The following ADAM12 variants were observed in gnomAD, a reference collection of about 807,000 sequenced individuals.
The protein encoded by ADAM12 is ADAM metallopeptidase domain 12.
ADAM12 carries 70 observed loss-of-function variants against 106.4 expected under a neutral mutation model. That is an observed-to-expected ratio of 0.66 (90% CI 0.54 to 0.80). ADAM12 has a LOEUF of 0.80. Ranked by LOEUF, ADAM12 falls within the 30% of genes least tolerant of loss-of-function variation. The probability of loss-of-function intolerance (pLI) is 0.00; values close to 1 mark genes in which losing one functional copy is unlikely to be tolerated. For synonymous variants in ADAM12, 420 were observed against 433.5 expected (o/e 0.97, Z 0.39); for missense variants, 1,010 against 1,171.9 (o/e 0.86, Z 2.02).
Position 126,265,683 on chromosome 10 carries a change from G to A in ADAM12, c.260+13232C>T, listed in dbSNP as rs191935865. On this transcript the variant is annotated intron_variant, in intron 3 of 22. Coordinates refer to ENST00000448723, the MANE Select transcript of ADAM12 (RefSeq NM_001288973.2). ...AGGAACAGGCTAGACAGCACCAAGA[G>A]GATGAAATCAGCAAATTGAGAGTGT... Among the ~76,000 whole-genome samples, 11 of 152,254 alleles carry A rather than the reference G, an allele frequency of 7.2e-5. No individual in the cohort carries two copies. The East Asian group carries it at 2.1e-3, about 29-fold the overall frequency.
At chr10:126,059,489 C>T (rs968011042) in intron 14 of ADAM12, among the ~76,000 whole-genome samples, 3 of 152,208 alleles carry the variant, frequency 2.0e-5, no homozygotes, top group African/African-American at 4.8e-5. Flanking sequence ...GGGAGACTTT[C>T]CTGACTTCTA....
intron 3 of ADAM12, among the ~76,000 whole-genome samples, chr10:126,211,082 G>A (rs74158387): frequency 0.2 from 30,591 of 152,038 alleles, 3,203 homozygotes; most frequent in Non-Finnish European, 0.23. Context: ...CCTCTGTTTG[G>A]GGCTGTGGCA....
chr10:126,272,911 G>T, intron 3 of ADAM12: 1 of 245,784 alleles, frequency 4.1e-6, no homozygotes, highest in Non-Finnish European at 8.9e-6. Flanking sequence ...TGTTCTCTTG[G>T]GTTGGGACAA....
At chr10:126,302,732 C>A (rs1282658684) in intron 2 of ADAM12, among the ~76,000 whole-genome samples, 1 of 152,182 alleles carries the variant, frequency 6.6e-6, no homozygotes, top group African/African-American at 2.4e-5. Context: ...TTATAAATCA[C>A]TCCTGAAAAA....
At chr10:126,074,890 C>A (rs1409555945) in intron 11 of ADAM12, among the ~76,000 whole-genome samples, 1 of 152,152 alleles carries the variant, frequency 6.6e-6, no homozygotes, top group African/African-American at 2.4e-5. Flanking sequence ...CTGAGCTCAC[C>A]AGCATGCCGC....
At chr10:126,027,089 A>G (rs1953887619) in intron 21 of ADAM12, among the ~76,000 whole-genome samples, 1 of 152,240 alleles carries the variant, frequency 6.6e-6, no homozygotes, top group Non-Finnish European at 1.5e-5. Context: ...TCCCACAGAA[A>G]TACAACTATC....
At chr10:126,072,202 A>G (rs1362895077) in intron 11 of ADAM12, among the ~76,000 whole-genome samples, 2 of 152,128 alleles carry the variant, frequency 1.3e-5, no homozygotes, top group Non-Finnish European at 2.9e-5. Context: ...TTGTAAGAGA[A>G]TGGAGGTGAT....
chr10:126,163,225 G>A (rs1004694244), intron 3 of ADAM12, among the ~76,000 whole-genome samples: 4 of 152,092 alleles, frequency 2.6e-5, no homozygotes, highest in African/African-American at 9.7e-5. Context: ...TCATAGCAAC[G>A]CAAGAATGTC....
chr10:126,343,063 T>C (rs72830709), intron 1 of ADAM12, among the ~76,000 whole-genome samples: 9,695 of 152,188 alleles, frequency 0.064, 531 homozygotes, highest in East Asian at 0.25. Flanking sequence ...TTTATTATTA[T>C]ACTTTAAGTT....
intron 5 of ADAM12, among the ~76,000 whole-genome samples, chr10:126,132,057 C>A (rs148536583): frequency 0.021 from 3,232 of 151,828 alleles, 130 homozygotes; most frequent in African/African-American, 0.074. Context: ...CTCACTGCAA[C>A]CCCCGCCTCC....
intron 3 of ADAM12, among the ~76,000 whole-genome samples, chr10:126,232,189 G>A (rs1490909622): frequency 6.6e-6 from 1 of 152,050 alleles, no homozygotes; most frequent in East Asian, 1.9e-4. Flanking sequence ...GGGATGATCT[G>A]GGTGGGCCCA....
intron 6 of ADAM12, among the ~76,000 whole-genome samples, chr10:126,111,491 T>C (rs1232190760): frequency 1.3e-5 from 2 of 152,260 alleles, no homozygotes; most frequent in South Asian, 2.1e-4. Context: ...ATTTGGCTAA[T>C]TATGCAGAAG....
intron 1 of ADAM12, among the ~76,000 whole-genome samples, chr10:126,362,104 T>G (rs1319189881): frequency 6.6e-6 from 1 of 152,088 alleles, no homozygotes; most frequent in Non-Finnish European, 1.5e-5. Flanking sequence ...ACTATTAGCC[T>G]GATTTTAAAA....
At chr10:126,124,304 T>C (rs1590451779) in intron 5 of ADAM12, among the ~76,000 whole-genome samples, 3 of 152,204 alleles carry the variant, frequency 2.0e-5, no homozygotes, top group African/African-American at 7.2e-5. Context: ...TTTTTTTTTT[T>C]TGGAGCAACT....
At chr10:126,113,524 G>C (rs1955909425) in intron 6 of ADAM12, among the ~76,000 whole-genome samples, 1 of 146,656 alleles carries the variant, frequency 6.8e-6, no homozygotes, top group Non-Finnish European at 1.5e-5. Context: ...GCCAGGTGTA[G>C]TGGTACACGC....
chr10:126,154,954 C>G (rs1183949928), intron 4 of ADAM12, among the ~76,000 whole-genome samples: 1 of 152,100 alleles, frequency 6.6e-6, no homozygotes, highest in Admixed American at 6.6e-5. Flanking sequence ...AGGATTTGCC[C>G]AAATGAGGAT....
chr10:126,270,817 T>C (rs549159148), intron 3 of ADAM12, among the ~76,000 whole-genome samples: 10 of 152,276 alleles, frequency 6.6e-5, no homozygotes, highest in South Asian at 4.1e-4. Flanking sequence ...AGGAAGGATA[T>C]GGAATAGGGC....
intron 2 of ADAM12, among the ~76,000 whole-genome samples, chr10:126,311,098 CA>C (rs958643121): frequency 5.0e-5 from 5 of 99,428 alleles, no homozygotes; most frequent in African/African-American, 2.8e-4. Flanking sequence ...CACAAATACA[CA>C]CACACACACA....
At chr10:126,142,882 C>T (rs1012129706) in intron 4 of ADAM12, among the ~76,000 whole-genome samples, 15 of 151,564 alleles carry the variant, frequency 9.9e-5, no homozygotes, top group South Asian at 2.1e-4. Context: ...TATGTGGGCA[C>T]GTGCGTATAT....
Sources: allele counts gnomAD v4.1 joint callset (sites outside exome capture counted in the v4.1 genomes callset), GRCh38; gene constraint gnomAD v4.1.1; transcripts MANE v1.5; gene names NCBI Gene and HGNC (gene_info 2026-07-23, HGNC 2026-07-21).